FAM184B: variants seen among roughly 807,000 people sequenced by gnomAD.
FAM184B encodes the protein family with sequence similarity 184 member B, also known as protein FAM184B.
FAM184B carries 111 observed loss-of-function variants against 135.9 expected under a neutral mutation model. The ratio of observed to expected loss-of-function variants is 0.82; its 90% CI spans 0.70 to 0.96. FAM184B has a LOEUF of 0.96. FAM184B is among the 40% of genes least tolerant of loss of function. The pLI, the probability that FAM184B is intolerant of heterozygous loss-of-function variation, is 0.00. For missense variants in FAM184B, 1,375 were observed against 1,323.9 expected (o/e 1.04, Z -0.60); for synonymous variants, 552 against 524.8 (o/e 1.05, Z -0.71).
chr4:17,645,225 A>C (rs1304837990), intron 12 of FAM184B, among the ~76,000 whole-genome samples: 1 of 152,176 alleles, frequency 6.6e-6, no homozygotes, highest in African/African-American at 2.4e-5. Context: ...GAATTGGAAA[A>C]AACTAAAGTT....
chr4:17,647,859 C>G, intron 11 of FAM184B, 68 bp from the exon 12 acceptor site: 1 of 1,487,190 alleles, frequency 6.7e-7, no homozygotes, highest in Non-Finnish European at 9.0e-7. Context: ...ATGGGGACAA[C>G]AGTCTCTGGG....
intron 13 of FAM184B, among the ~76,000 whole-genome samples, chr4:17,640,940 GTTTTGTTTT>G (rs1484067200): frequency 6.6e-6 from 1 of 152,022 alleles, no homozygotes; most frequent in Non-Finnish European, 1.5e-5. Flanking sequence ...TGTTTTGTTT[GTTTTGTTTT>G]TTGAGACAGA....
At chr4:17,661,207 C>G (rs1715910042) in intron 8 of FAM184B, among the ~76,000 whole-genome samples, 1 of 152,122 alleles carries the variant, frequency 6.6e-6, no homozygotes, top group Non-Finnish European at 1.5e-5. Context: ...TTAGTAGAGT[C>G]AATATCTATA....
chr4:17,709,359 G>A lies in FAM184B; in HGVS notation c.427C>T (p.Arg143Ter), dbSNP rs1474254948. The change falls in exon 2 of 18, where the codon CGA becomes TGA. Residue 143 changes from arginine (R) to a stop codon, truncating the protein, a stop_gained. Coordinates refer to ENST00000265018, the MANE Select transcript of FAM184B (RefSeq NM_015688.2). LOFTEE classifies it high-confidence loss of function. ...ELRVEAEHAE[R>*]VLTLSREMLE... ...ATTTCCCTGGAGAGCGTGAGGACTC[G>A]CTCGGCGTGCTCTGCCTCCACCCTC... 6 of 1,545,532 alleles carry A rather than the reference G, an allele frequency of 3.9e-6. No individual in the cohort carries two copies. The South Asian group carries it at 4.8e-5, about 12-fold the overall frequency.
chr4:17,719,231 G>A (rs565402740), intron 1 of FAM184B, among the ~76,000 whole-genome samples: 1 of 152,292 alleles, frequency 6.6e-6, no homozygotes, highest in East Asian at 1.9e-4. Context: ...AACAAGCACT[G>A]TGACAGTTGA....
chr4:17,705,656 T>A, intron 4 of FAM184B, 96 bp downstream of exon 4: 1 of 1,397,740 alleles, frequency 7.2e-7, no homozygotes, highest in South Asian at 1.4e-5. Context: ...TCCAAGTGGA[T>A]CCACTATGCT....
In FAM184B at chr4:17,670,486, T is replaced by C. The variant is rs1716144695; in HGVS notation, c.1597-5827A>G. 2.0e-5 allele frequency among the ~76,000 whole-genome samples: 3 copies of C among 152,208 alleles called. No homozygotes were observed. The South Asian group carries it at 6.2e-4, about 31-fold the overall frequency. ...ATGTACTCTGAGACAACACAGAGCC[T>C]GTGAAAGGGAATCTGCAGGATGTAA... On this transcript the variant is annotated intron_variant, in intron 7 of 17. Coordinates refer to ENST00000265018, the MANE Select transcript of FAM184B (RefSeq NM_015688.2).
intron 1 of FAM184B, among the ~76,000 whole-genome samples, chr4:17,756,671 T>C (rs1351286160): frequency 1.3e-5 from 2 of 152,200 alleles, no homozygotes; most frequent in African/African-American, 4.8e-5. Context: ...ACACCTGTCA[T>C]CCCAGCACTT....
In FAM184B at chr4:17,709,479, C is replaced by T. The variant is rs1717201019; in HGVS notation, c.307G>A (p.Ala103Thr). The T allele has an allele frequency of 5.8e-6, 9 of 1,546,134 alleles. No individual in the cohort carries two copies. In the South Asian group the frequency reaches 8.4e-5, roughly 14 times the overall value. ...TGCAGCTCCAGGGCGCTCTCCAGGG[C>T]CTGGATGCGCTGTAGAAGGGCTTCC... ...EEEALLQRIQ[A>T]LESALELQKR... The change falls in exon 2 of 18, where the codon GCC (alanine) becomes ACC (threonine). Residue 103 changes from alanine (A) to threonine (T), a missense_variant. Physicochemically the swap from Ala to Thr is moderately conservative, Grantham distance 58. Coordinates refer to ENST00000265018, the MANE Select transcript of FAM184B (RefSeq NM_015688.2).
chr4:17,724,073 G>C (rs1440393450), intron 1 of FAM184B, among the ~76,000 whole-genome samples: 1 of 151,650 alleles, frequency 6.6e-6, no homozygotes, highest in Non-Finnish European at 1.5e-5. Flanking sequence ...TGAAGCTAAT[G>C]AAATCTTTTA....
At chr4:17,708,492 A>G (rs2108965630) in intron 2 of FAM184B, among the ~76,000 whole-genome samples, 1 of 151,140 alleles carries the variant, frequency 6.6e-6, no homozygotes, top group African/African-American at 2.4e-5. Context: ...TAAAAATACA[A>G]AAATTAGCTG....
intron 1 of FAM184B, among the ~76,000 whole-genome samples, chr4:17,761,626 A>C (rs1004914812): frequency 6.6e-6 from 1 of 152,168 alleles, no homozygotes; most frequent in Non-Finnish European, 1.5e-5. Flanking sequence ...TCCCAGGTTC[A>C]AGTAATTCTC....
chr4:17,729,437 G>A (rs1225219993), intron 1 of FAM184B, among the ~76,000 whole-genome samples: 2 of 152,130 alleles, frequency 1.3e-5, no homozygotes, highest in African/African-American at 4.8e-5. Context: ...TCTGAGAACG[G>A]GCAGACTGCC....
At chr4:17,767,138 C>A (rs1049372483) in intron 1 of FAM184B, among the ~76,000 whole-genome samples, 1 of 152,182 alleles carries the variant, frequency 6.6e-6, no homozygotes, top group Non-Finnish European at 1.5e-5. Context: ...CCGGAACTCG[C>A]GCTGGCCCGC....
In FAM184B at chr4:17,707,629, A is replaced by T; in HGVS notation, c.1030+20T>A. On this transcript the variant is annotated intron_variant, in intron 3 of 17. Transcript: ENST00000265018. ...AGCTAACCTTGGGTCTTTTAAGGAA[A>T]TCATTCCAGGGCATCTCACCTGTCT... The T allele has an allele frequency of 6.4e-7, 1 of 1,551,028 alleles. No homozygotes were observed. Among genetic ancestry groups the T allele is most frequent in the Non-Finnish European group, 8.7e-7 (1 of 1,146,802 alleles).
At chr4:17,714,043 C>T (rs1219765565) in intron 1 of FAM184B, among the ~76,000 whole-genome samples, 2 of 152,154 alleles carry the variant, frequency 1.3e-5, no homozygotes, top group Admixed American at 1.3e-4. Flanking sequence ...GGCCAATCCC[C>T]TTTTCCATGT....
chr4:17,657,656 T>TTTC (rs11430894), intron 10 of FAM184B, among the ~76,000 whole-genome samples: 2 of 17,818 alleles, frequency 1.1e-4, no homozygotes, highest in Non-Finnish European at 2.0e-4. Context: ...TGAGCTGTTC[T>TTTC]TTTTTTTTTT....
intron 7 of FAM184B, among the ~76,000 whole-genome samples, chr4:17,681,907 C>T (rs1033990671): frequency 5.3e-5 from 8 of 152,166 alleles, no homozygotes; most frequent in Non-Finnish European, 1.0e-4. Flanking sequence ...ATGGGCTTGC[C>T]ATTAATATAT....
At chr4:17,690,489 A>T (rs1716708035) in intron 6 of FAM184B, among the ~76,000 whole-genome samples, 1 of 152,144 alleles carries the variant, frequency 6.6e-6, no homozygotes. Context: ...TGGATTTTAG[A>T]ACATGAGTTC....
Sources: gnomAD v4.1 joint callset for allele counts (sites outside exome capture counted in the v4.1 genomes callset) on GRCh38, gnomAD v4.1.1 for gene constraint, MANE v1.5 for transcripts, NCBI Gene and HGNC (gene_info 2026-07-23, HGNC 2026-07-21) for gene names.